ADAMTSL1: variants seen among roughly 807,000 people sequenced by gnomAD.
The protein encoded by ADAMTSL1 is ADAMTS-like protein 1.
In ADAMTSL1, 126 loss-of-function variants were observed where a neutral mutation model predicts 201.8. That is an observed-to-expected ratio of 0.62 (90% confidence interval 0.54 to 0.72). The LOEUF (loss-of-function observed/expected upper bound fraction) is 0.72, where lower values mean the gene tolerates loss of function less well. ADAMTSL1 is among the 30% of genes least tolerant of loss of function. The pLI, the probability that ADAMTSL1 is intolerant of heterozygous loss-of-function variation, is 0.00. For synonymous variants in ADAMTSL1, 1,121 were observed against 903.4 expected (o/e 1.24, Z -4.32); for missense variants, 2,679 against 2,277.8 (o/e 1.18, Z -3.59).
rs901063156 is a variant in ADAMTSL1, at chr9:18,876,329, T to TGTGTGTGTGTGTGTGC, written c.4250-11501_4250-11500insTGTGTGTGTGTGTGCG. ...GTGTGTGTGTGTGTGTGTGTGTGTG[T>TGTGTGTGTGTGTGTGC]GCGTGATTGTTTTATAGGTTCTGTG... On this transcript the variant is annotated intron_variant, in intron 23 of 28. Coordinates refer to ENST00000380548, the MANE Select transcript of ADAMTSL1 (RefSeq NM_001040272.6). Among the ~76,000 whole-genome samples the TGTGTGTGTGTGTGTGC allele has an allele frequency of 3.1e-3, 469 of 151,232 alleles. 7 individuals carry two copies. Among genetic ancestry groups the TGTGTGTGTGTGTGTGC allele is most frequent in the African/African-American group, 0.011 (453 of 41,106 alleles).
intron 2 of ADAMTSL1, among the ~76,000 whole-genome samples, chr9:18,174,130 C>T (rs1475292842): frequency 6.6e-6 from 1 of 152,128 alleles, no homozygotes; most frequent in Non-Finnish European, 1.5e-5. Flanking sequence ...CCACTTGAGG[C>T]ACCAAAGAAT....
rs112743326 is a variant in ADAMTSL1, at chr9:18,065,779, G to C, written c.88-98083G>C. On this transcript the variant is annotated intron_variant, in intron 1 of 29. Transcript: ENST00000680146. ...GTGGATCACCTGAAGGCAGGAGTTC[G>C]AGACCAGCCTGGCCAACATGGCAAA... 3.2e-3 allele frequency among the ~76,000 whole-genome samples: 489 copies of C among 152,076 alleles called. 2 individuals carry two copies. The highest frequency in any genetic ancestry group is 0.011 in the African/African-American group (459 of 41,516).
chr9:18,094,599 G>A (rs939852160), intron 1 of ADAMTSL1, among the ~76,000 whole-genome samples: 14 of 146,636 alleles, frequency 9.5e-5, no homozygotes, highest in African/African-American at 3.0e-4. Context: ...CTAAATCTAA[G>A]TATAATCAGT....
chr9:18,072,266 T>G (rs990982822), intron 1 of ADAMTSL1, among the ~76,000 whole-genome samples: 1 of 152,242 alleles, frequency 6.6e-6, no homozygotes, highest in African/African-American at 2.4e-5. Flanking sequence ...ACCACTGTTA[T>G]GCGAAACATG....
At chr9:18,684,216 A>G (rs536295470) in intron 12 of ADAMTSL1, among the ~76,000 whole-genome samples, 179 of 152,302 alleles carry the variant, frequency 1.2e-3, no homozygotes, top group African/African-American at 4.1e-3. Flanking sequence ...AATGAGTCAG[A>G]TATCTAAATC....
chr9:18,734,942 C>T (rs1475383632), intron 15 of ADAMTSL1, among the ~76,000 whole-genome samples: 1 of 152,086 alleles, frequency 6.6e-6, no homozygotes, highest in Non-Finnish European at 1.5e-5. Context: ...CTCTCAGTGA[C>T]CAGGAAGCTG....
rs377335263 is a variant in ADAMTSL1 at position 18,680,371 on chromosome 9, G to A, written c.1196G>A (p.Arg399Gln). 25 of 1,613,998 alleles carry A rather than the reference G, an allele frequency of 1.5e-5. No homozygotes were observed. The highest frequency in any genetic ancestry group is 9.3e-5 in the African/African-American group (7 of 74,890). The change falls in exon 11 of 29, where the codon CGG becomes CAG. Residue 399 changes from arginine (R) to glutamine (Q), a missense_variant. Arg to Gln is a conservative substitution (Grantham distance 43). Coordinates refer to ENST00000380548, the MANE Select transcript of ADAMTSL1 (RefSeq NM_001040272.6). ...TCGTGTGGGGGGGGCATCCAGAGCC[G>A]GGCAGTTTCCTGTGTGGAGGAGGAC... ...SSSCGGGIQS[R>Q]AVSCVEEDIQ...
Position 18,910,531 on chromosome 9 carries a change from T to G in ADAMTSL1, c.*1983T>G, listed in dbSNP as rs771987342. The G allele has an allele frequency of 2.0e-5, 3 of 152,218 alleles. No homozygotes were observed. Among genetic ancestry groups the G allele is most frequent in the Non-Finnish European group, 4.4e-5 (3 of 68,040 alleles). 9.4% of individuals were successfully genotyped at this position (152,218 alleles called of 1,614,324 possible). On this transcript the variant is annotated 3_prime_UTR_variant, in exon 29 of 29. Transcript: ENST00000380548. ...ACAGGATGTGTTGTAAAAACTAACA[T>G]GGGATGCTGAGGCAGTAAGAGGGAA...
At chr9:18,455,243 T>C (rs1021217569) in intron 2 of ADAMTSL1, among the ~76,000 whole-genome samples, 1 of 152,226 alleles carries the variant, frequency 6.6e-6, no homozygotes, top group Non-Finnish European at 1.5e-5. Flanking sequence ...TGCTTGCTTA[T>C]AAATACATTT....
chr9:18,119,867 T>C (rs1192845756), intron 1 of ADAMTSL1, among the ~76,000 whole-genome samples: 3 of 152,256 alleles, frequency 2.0e-5, no homozygotes, highest in African/African-American at 7.2e-5. Flanking sequence ...ATCTATTACA[T>C]AGCATGGTCT....
At chr9:18,491,556 A>T (rs567058358) in intron 1 of ADAMTSL1, among the ~76,000 whole-genome samples, 9 of 152,334 alleles carry the variant, frequency 5.9e-5, no homozygotes, top group African/African-American at 2.2e-4. Flanking sequence ...ATCACAAAAA[A>T]TCATGTCATG....
rs1820598647 is a variant in ADAMTSL1, at chr9:18,456,270, C to T, written c.208-48559C>T. Reference sequence around the variant, plus strand: ...TCTAGCGAAGGTCTACGTAAGTGTGCATAAGTGGCCTTGGTCCTTAACAAG... The same window carrying T: ...TCTAGCGAAGGTCTACGTAAGTGTGTATAAGTGGCCTTGGTCCTTAACAAG... On this transcript the variant is annotated intron_variant, in intron 2 of 29. Coordinates refer to the ADAMTSL1 transcript ENST00000680146. 2.0e-5 allele frequency among the ~76,000 whole-genome samples: 3 copies of T among 152,174 alleles called. No homozygotes were observed. The South Asian group carries it at 6.2e-4, about 32-fold the overall frequency.
chr9:18,842,828 G>A (rs533238446), intron 23 of ADAMTSL1, among the ~76,000 whole-genome samples: 23 of 152,100 alleles, frequency 1.5e-4, no homozygotes, highest in Non-Finnish European at 3.2e-4. Context: ...TTGGTTTGAA[G>A]TCTGTTTTAT....
At chr9:18,400,042 AT>A (rs1817925181) in intron 2 of ADAMTSL1, among the ~76,000 whole-genome samples, 1 of 142,328 alleles carries the variant, frequency 7.0e-6, no homozygotes. Context: ...TTACTTTCCA[AT>A]AAAATGTGAT....
chr9:18,714,169 C>A (rs1018803098), intron 14 of ADAMTSL1, among the ~76,000 whole-genome samples: 1 of 152,064 alleles, frequency 6.6e-6, no homozygotes, highest in African/African-American at 2.4e-5. Flanking sequence ...AATTGACACC[C>A]TAACATCACA....
At chr9:18,237,138 C>G (rs539281393) in intron 2 of ADAMTSL1, among the ~76,000 whole-genome samples, 5 of 152,182 alleles carry the variant, frequency 3.3e-5, no homozygotes, top group African/African-American at 1.2e-4. Context: ...CTTCTTTAAT[C>G]TTAAACTCTA....
chr9:18,469,379 G>T (rs987012303), upstream of ADAMTSL1, among the ~76,000 whole-genome samples: 2 of 152,178 alleles, frequency 1.3e-5, no homozygotes, highest in Admixed American at 6.5e-5. Flanking sequence ...GTTAAAGGGG[G>T]TATATCAGTT....
intron 23 of ADAMTSL1, among the ~76,000 whole-genome samples, chr9:18,834,403 C>T (rs796616072): frequency 9.2e-5 from 14 of 151,930 alleles, no homozygotes; most frequent in African/African-American, 3.1e-4. Context: ...GATCTTTCAC[C>T]TTCTTTGTTA....
chr9:18,647,380 A>AT (rs1234456850), intron 7 of ADAMTSL1, among the ~76,000 whole-genome samples: 2 of 138,932 alleles, frequency 1.4e-5, no homozygotes, highest in Non-Finnish European at 3.2e-5. Context: ...TTTTTCCCCC[A>AT]TTTCCTTCAG....
Sources: gnomAD v4.1 joint callset for allele counts (sites outside exome capture counted in the v4.1 genomes callset) on GRCh38, gnomAD v4.1.1 for gene constraint, MANE v1.5 for transcripts, NCBI Gene and HGNC (gene_info 2026-07-23, HGNC 2026-07-21) for gene names.